AGPS: variants seen among roughly 807,000 people sequenced by gnomAD.
AGPS encodes the protein alkyldihydroxyacetonephosphate synthase, peroxisomal.
A neutral mutation model predicts 90.7 loss-of-function variants in AGPS; 26 were observed. The observed-to-expected ratio is 0.29, with a 90% confidence interval of 0.21 to 0.40. The LOEUF is 0.40. Among genes scored for constraint, AGPS ranks in the 10% least tolerant of loss-of-function variants. AGPS has a pLI of 1.00. For missense variants in AGPS, 540 were observed against 816.1 expected (o/e 0.66, Z 4.12); for synonymous variants, 294 against 285.3 (o/e 1.03, Z -0.31).
chr2:177,482,966 G>C (rs112392569), intron 11 of AGPS, among the ~76,000 whole-genome samples: 1 of 151,978 alleles, frequency 6.6e-6, no homozygotes, highest in African/African-American at 2.4e-5. Context: ...ATGTACTCTA[G>C]CCTCTCTTTT....
At chr2:177,499,565 T>C (rs1688496955) in intron 13 of AGPS, 53 bp from the exon 14 acceptor site, 6 of 1,174,768 alleles carry the variant, frequency 5.1e-6, no homozygotes, top group Non-Finnish European at 5.0e-6. Flanking sequence ...TTTTGATTTA[T>C]TGTTTTGTAG....
intron 18 of AGPS, among the ~76,000 whole-genome samples, chr2:177,522,380 G>A (rs140660077): frequency 0.025 from 3,829 of 152,180 alleles, 83 homozygotes; most frequent in African/African-American, 0.055. Context: ...TTAATTTAAA[G>A]TAATTTGTTA....
chr2:177,487,210 A>G (rs140132684), intron 11 of AGPS, among the ~76,000 whole-genome samples: 14 of 152,260 alleles, frequency 9.2e-5, no homozygotes, highest in African/African-American at 3.4e-4. Flanking sequence ...TTTGTTTTCA[A>G]TAAAAACTTA....
intron 1 of AGPS, 137 bp from the exon 2 acceptor site, chr2:177,420,132 C>A: frequency 1.7e-6 from 1 of 596,762 alleles, no homozygotes; most frequent in Non-Finnish European, 3.0e-6. Context: ...TTAATGTGTG[C>A]TAATTTTATT....
At position 177,395,036 on chromosome 2, in the gene AGPS, C is replaced by T. The variant is rs1271223889; in HGVS notation, c.260+1987C>T. ...GGAGGGGAGGAATAAAGGATTTCAT[C>T]TCGTCTCCTGGCTTCAATTGAGGTT... On this transcript the variant is annotated intron_variant, in intron 1 of 19. Transcript: ENST00000264167. Among the ~76,000 whole-genome samples the T allele has an allele frequency of 3.3e-5, 5 of 152,136 alleles. 1 individual carries two copies. The highest frequency in any genetic ancestry group is 7.4e-5 in the Non-Finnish European group (5 of 68,016).
At chr2:177,394,855 C>T (rs748005632) in intron 1 of AGPS, among the ~76,000 whole-genome samples, 1 of 152,166 alleles carries the variant, frequency 6.6e-6, no homozygotes, top group Non-Finnish European at 1.5e-5. Flanking sequence ...ATGGTAGCTG[C>T]AATTTTCACA....
At chr2:177,425,337 C>T (rs1429891523) in intron 2 of AGPS, among the ~76,000 whole-genome samples, 1 of 151,910 alleles carries the variant, frequency 6.6e-6, no homozygotes, top group East Asian at 1.9e-4. Flanking sequence ...ATAGGGAATC[C>T]TGGCCGGGCG....
At chr2:177,496,491 G>T (rs1220839204) in intron 12 of AGPS, among the ~76,000 whole-genome samples, 1 of 151,938 alleles carries the variant, frequency 6.6e-6, no homozygotes, top group Non-Finnish European at 1.5e-5. Flanking sequence ...TAAAATAAAA[G>T]AAAAAAATCC....
chr2:177,412,959 G>A (rs1021962942), intron 1 of AGPS, among the ~76,000 whole-genome samples: 7 of 152,120 alleles, frequency 4.6e-5, no homozygotes, highest in Non-Finnish European at 8.8e-5. Flanking sequence ...GGAGCACAGT[G>A]GACACCCTGC....
chr2:177,431,835 T>C (rs558016066), intron 2 of AGPS, among the ~76,000 whole-genome samples: 2 of 152,296 alleles, frequency 1.3e-5, no homozygotes, highest in South Asian at 4.1e-4. Context: ...CAAACACACA[T>C]GTTTTACAGT....
intron 1 of AGPS, among the ~76,000 whole-genome samples, chr2:177,404,419 A>C (rs968682857): frequency 3.9e-5 from 6 of 152,116 alleles, no homozygotes; most frequent in African/African-American, 1.4e-4. Flanking sequence ...TGTTACATGG[A>C]GTGATGTAAT....
intron 10 of AGPS, 100 bp from the exon 11 acceptor site, chr2:177,481,959 A>T: frequency 8.7e-7 from 1 of 1,146,114 alleles, no homozygotes; most frequent in East Asian, 3.4e-5. Context: ...GATAAATTTA[A>T]ATGTGCATAA....
intron 1 of AGPS, among the ~76,000 whole-genome samples, chr2:177,405,604 T>C (rs1685444522): frequency 1.3e-5 from 2 of 151,858 alleles, no homozygotes; most frequent in Admixed American, 1.3e-4. Context: ...TTTAGCCTCT[T>C]AACCAATTCT....
chr2:177,451,981 T>G (rs1337823314), intron 8 of AGPS, among the ~76,000 whole-genome samples: 1 of 152,148 alleles, frequency 6.6e-6, no homozygotes, highest in Non-Finnish European at 1.5e-5. Context: ...CCAATTATTT[T>G]GGGATTTTTC....
chr2:177,436,727 C>T, intron 3 of AGPS, 37 bp from the exon 4 acceptor site: 1 of 1,603,134 alleles, frequency 6.2e-7, no homozygotes, highest in Non-Finnish European at 8.5e-7. Context: ...AATTCGTTGT[C>T]TAAAAATAAG....
chr2:177,481,932 A>T (rs1687957257), intron 10 of AGPS, 127 bp from the exon 11 acceptor site: 4 of 640,086 alleles, frequency 6.2e-6, no homozygotes, highest in Non-Finnish European at 8.6e-6. Context: ...AGTAGCCATT[A>T]TTCCCCAGGT....
intron 8 of AGPS, among the ~76,000 whole-genome samples, chr2:177,447,569 A>C (rs979895812): frequency 2.6e-5 from 4 of 151,116 alleles, no homozygotes. Flanking sequence ...TTATTATAGC[A>C]TTTGATGTAG....
chr2:177,511,516 A>G (rs1013861629), intron 16 of AGPS, among the ~76,000 whole-genome samples: 1 of 152,204 alleles, frequency 6.6e-6, no homozygotes, highest in Non-Finnish European at 1.5e-5. Context: ...AAAGAGGTCC[A>G]GGGAACCTCA....
chr2:177,469,672 A>G (rs1687554557), intron 10 of AGPS, among the ~76,000 whole-genome samples: 1 of 152,238 alleles, frequency 6.6e-6, no homozygotes, highest in Non-Finnish European at 1.5e-5. Flanking sequence ...ATACTAATGC[A>G]TCATCTACAA....
Sources: gnomAD v4.1 joint callset for allele counts (sites outside exome capture counted in the v4.1 genomes callset) on GRCh38, gnomAD v4.1.1 for gene constraint, MANE v1.5 for transcripts, NCBI Gene and HGNC (gene_info 2026-07-23, HGNC 2026-07-21) for gene names.